LARP4B: variants seen among roughly 807,000 people sequenced by gnomAD.
LARP4B encodes La ribonucleoprotein 4B.
LARP4B carries 12 observed loss-of-function variants against 89.8 expected under a neutral mutation model. The observed-to-expected ratio is 0.13, with a 90% CI of 0.09 to 0.22. The LOEUF is 0.22. Among genes scored for constraint, LARP4B ranks in the 10% least tolerant of loss-of-function variants. The pLI is 1.00. For synonymous variants in LARP4B, 367 were observed against 363.3 expected (o/e 1.01, Z -0.12); for missense variants, 757 against 947.7 (o/e 0.80, Z 2.64).
the LARP4B span, among the ~76,000 whole-genome samples, chr10:968,135 T>C: frequency 2.0e-5 from 3 of 152,178 alleles, no homozygotes; most frequent in East Asian, 3.8e-4. Flanking sequence ...CCCACTAAGA[T>C]TCCTTCTGTC....
At chr10:855,950 C>G (rs984383897) in intron 5 of LARP4B, among the ~76,000 whole-genome samples, 2 of 152,220 alleles carry the variant, frequency 1.3e-5, no homozygotes, top group African/African-American at 4.8e-5. Flanking sequence ...GAGAAAGGTG[C>G]AAAGGCAACG....
At chr10:871,900 GACA>G (rs1262234244) in intron 3 of LARP4B, among the ~76,000 whole-genome samples, 2 of 152,124 alleles carry the variant, frequency 1.3e-5, no homozygotes, top group Admixed American at 1.3e-4. Context: ...AACTCTGGTC[GACA>G]ACAACTGTTA....
chr10:966,784 G>T, the LARP4B span, among the ~76,000 whole-genome samples: 1 of 152,350 alleles, frequency 6.6e-6, no homozygotes, highest in Non-Finnish European at 1.5e-5. Context: ...ACCACACAGA[G>T]AGAGGTAGGT....
intron 5 of LARP4B, among the ~76,000 whole-genome samples, chr10:855,938 C>T: frequency 6.6e-6 from 1 of 152,246 alleles, no homozygotes; most frequent in Non-Finnish European, 1.5e-5. Flanking sequence ...CAAACGACTT[C>T]TGAGAAAGGT....
intron 7 of LARP4B, among the ~76,000 whole-genome samples, chr10:840,594 T>C (rs983422518): frequency 6.6e-6 from 1 of 152,230 alleles, no homozygotes; most frequent in African/African-American, 2.4e-5. Flanking sequence ...TATTTTAGCA[T>C]GTCTTTTTAA....
chr10:957,500 G>C, the LARP4B span, among the ~76,000 whole-genome samples: 1 of 152,102 alleles, frequency 6.6e-6, no homozygotes, highest in African/African-American at 2.4e-5. Flanking sequence ...TTTTGGGATT[G>C]ATGATGAATG....
intron 3 of LARP4B, among the ~76,000 whole-genome samples, chr10:872,797 C>G (rs1167244784): frequency 6.6e-6 from 1 of 152,206 alleles, no homozygotes; most frequent in Non-Finnish European, 1.5e-5. Flanking sequence ...CCTCAGAATT[C>G]TGCTCATTAA....
chr10:967,542 G>A, the LARP4B span, among the ~76,000 whole-genome samples: 1 of 152,140 alleles, frequency 6.6e-6, no homozygotes, highest in Non-Finnish European at 1.5e-5. Flanking sequence ...TAAAAGAAAC[G>A]AGTTCCAGCC....
the LARP4B span, among the ~76,000 whole-genome samples, chr10:966,890 T>A: frequency 6.6e-6 from 1 of 152,144 alleles, no homozygotes; most frequent in Non-Finnish European, 1.5e-5. Context: ...CAGAGAGATA[T>A]CGCTCCTGGG....
chr10:915,791 C>T (rs1182208747), intron 1 of LARP4B, among the ~76,000 whole-genome samples: 1 of 148,068 alleles, frequency 6.8e-6, no homozygotes, highest in African/African-American at 2.5e-5. Flanking sequence ...CCAGATGGCG[C>T]CACTGCATTC....
At chr10:902,761 C>G (rs1836379634) in intron 1 of LARP4B, among the ~76,000 whole-genome samples, 1 of 151,916 alleles carries the variant, frequency 6.6e-6, no homozygotes, top group Admixed American at 6.6e-5. Context: ...TCTCCTGCCT[C>G]AGTCTCCCAA....
intron 2 of LARP4B, among the ~76,000 whole-genome samples, chr10:885,403 C>T (rs1169030419): frequency 6.6e-6 from 1 of 152,174 alleles, no homozygotes; most frequent in Non-Finnish European, 1.5e-5. Flanking sequence ...TCACATACAA[C>T]TTATTACTAA....
chr10:861,469 A>T (rs1413551398), intron 5 of LARP4B, among the ~76,000 whole-genome samples: 2 of 152,168 alleles, frequency 1.3e-5, no homozygotes, highest in African/African-American at 4.8e-5. Context: ...CAGATGAAGG[A>T]GGAAGACAAA....
intron 1 of LARP4B, among the ~76,000 whole-genome samples, chr10:902,389 A>G (rs867379435): frequency 3.9e-5 from 6 of 152,170 alleles, no homozygotes; most frequent in African/African-American, 1.4e-4. Context: ...CACCTTTCCC[A>G]GTAAAGAGCT....
rs775792586 is a variant in LARP4B, at chr10:831,004, T to C, written c.751-27A>G. On this transcript the variant is annotated intron_variant, in intron 8 of 17. Transcript: ENST00000316157. ...TACAGGAAATAGAGATGTTAGAAAT[T>C]AATTCTCAACAATGTCAGTTTTTGT... 6.6e-6 allele frequency: 6 copies of C among 905,066 alleles called. No individual in the cohort carries two copies. In the South Asian group the frequency reaches 9.0e-5, roughly 14 times the overall value. The allele number at this position is 905,066 out of a possible 1,614,324, so 56.1% of individuals were successfully genotyped here.
the LARP4B span, among the ~76,000 whole-genome samples, chr10:973,608 C>T: frequency 6.6e-6 from 1 of 152,222 alleles, no homozygotes; most frequent in Admixed American, 6.5e-5. Flanking sequence ...GCCTCGGCCT[C>T]CCAAAGTGCT....
intron 7 of LARP4B, among the ~76,000 whole-genome samples, chr10:839,340 G>A (rs555665580): frequency 4.6e-5 from 7 of 152,268 alleles, no homozygotes; most frequent in African/African-American, 1.2e-4. Context: ...ATGGGAAGAG[G>A]CCATGCATGT....
chr10:941,269 A>C, the LARP4B span, among the ~76,000 whole-genome samples: 1 of 152,142 alleles, frequency 6.6e-6, no homozygotes, highest in East Asian at 1.9e-4. Context: ...AAGACCAGCT[A>C]ATCAGGGAGA....
intron 13 of LARP4B, among the ~76,000 whole-genome samples, chr10:821,863 T>A (rs888022534): frequency 6.6e-6 from 1 of 152,244 alleles, no homozygotes; most frequent in African/African-American, 2.4e-5. Flanking sequence ...GGCTTTCTAC[T>A]GGTGCCTTGC....
Sources: gnomAD v4.1 joint callset for allele counts (sites outside exome capture counted in the v4.1 genomes callset) on GRCh38, gnomAD v4.1.1 for gene constraint, MANE v1.5 for transcripts, NCBI Gene and HGNC (gene_info 2026-07-23, HGNC 2026-07-21) for gene names.